ANKRD44: variants seen among roughly 807,000 people sequenced by gnomAD.
The protein encoded by ANKRD44 is serine/threonine-protein phosphatase 6 regulatory ankyrin repeat subunit B.
In ANKRD44, 35 loss-of-function variants were observed where a neutral mutation model predicts 116.0. The ratio of observed to expected loss-of-function variants is 0.30; its 90% CI spans 0.23 to 0.40. The LOEUF is 0.40. ANKRD44 is among the 10% of genes least tolerant of loss of function. ANKRD44 has a pLI of 1.00. For missense variants in ANKRD44, 1,014 were observed against 1,242.6 expected (o/e 0.82, Z 2.77); for synonymous variants, 435 against 461.8 (o/e 0.94, Z 0.74).
intron 9 of ANKRD44, among the ~76,000 whole-genome samples, chr2:197,100,163 G>T (rs535665211): frequency 1.3e-5 from 2 of 152,346 alleles, no homozygotes; most frequent in African/African-American, 4.8e-5. Flanking sequence ...GAGGCCGGGC[G>T]TGGTGGCTAA....
chr2:197,184,225 G>C (rs1029990570), intron 2 of ANKRD44, among the ~76,000 whole-genome samples: 1 of 152,162 alleles, frequency 6.6e-6, no homozygotes, highest in East Asian at 1.9e-4. Context: ...CCGTCTCTTT[G>C]GGGGCACACA....
At chr2:196,982,108 T>TTATATATATATATATATA (rs58816698), downstream of ANKRD44, among the ~76,000 whole-genome samples, 1,361 of 96,306 alleles carry the variant, frequency 0.014, 46 homozygotes, top group African/African-American at 0.037. Context: ...CTAAAAAAAA[T>TTATATATATATATATATA]TATATATATA....
chr2:197,172,162 G>C (rs934437677), intron 2 of ANKRD44, among the ~76,000 whole-genome samples: 1 of 151,568 alleles, frequency 6.6e-6, no homozygotes, highest in African/African-American at 2.4e-5. Context: ...CACCACACTC[G>C]ACTAACTTTT....
chr2:197,141,588 G>A (rs1357929681), intron 3 of ANKRD44, among the ~76,000 whole-genome samples: 1 of 152,160 alleles, frequency 6.6e-6, no homozygotes, highest in South Asian at 2.1e-4. Flanking sequence ...CATTGTTCGC[G>A]TGTAGCTTCA....
chr2:197,016,077 C>T, intron 17 of ANKRD44: 1 of 459,076 alleles, frequency 2.2e-6, no homozygotes, highest in Non-Finnish European at 4.3e-6. Flanking sequence ...AGGAGAGCTG[C>T]AGGTTACTTT....
chr2:197,270,642 C>G (rs1350991976), intron 1 of ANKRD44, among the ~76,000 whole-genome samples: 1 of 152,186 alleles, frequency 6.6e-6, no homozygotes, highest in Non-Finnish European at 1.5e-5. Context: ...TAATTGTAGG[C>G]AGTGTCTGAG....
intron 1 of ANKRD44, among the ~76,000 whole-genome samples, chr2:197,307,374 A>G (rs2084102160): frequency 6.6e-6 from 1 of 152,150 alleles, no homozygotes; most frequent in Admixed American, 6.5e-5. Context: ...ATGCTGGGAC[A>G]CCAGTCAATC....
chr2:197,078,554 T>C (rs2077723402), intron 16 of ANKRD44, 149 bp downstream of exon 16: 6 of 1,505,734 alleles, frequency 4.0e-6, no homozygotes, highest in Non-Finnish European at 4.5e-6. Context: ...AAAAACACTT[T>C]TTGAAATCAG....
chr2:197,214,401 T>A (rs1455172348), intron 1 of ANKRD44, among the ~76,000 whole-genome samples: 1 of 152,204 alleles, frequency 6.6e-6, no homozygotes, highest in African/African-American at 2.4e-5. Flanking sequence ...TAGCCTAGTG[T>A]CTGGCACCTG....
chr2:197,187,042 G>A lies in ANKRD44; in HGVS notation c.92C>T (p.Thr31Ile), dbSNP rs2080693611. The part of the protein sequence containing the change: ...PEEIRMLIHK[T>I]EDVNTLDSEK... ...TCTTACCAGAGTATTCACATCTTCA[G>A]TTTTATGGATGAGCATCCGGATCTC... The change falls in exon 2 of 28, where the codon ACT becomes ATT. Residue 31 changes from threonine (T) to isoleucine (I), a missense_variant. Transcript: ENST00000282272. 9 of 1,613,960 alleles carry A rather than the reference G, an allele frequency of 5.6e-6. No homozygotes were observed. The highest frequency in any genetic ancestry group is 7.6e-6 in the Non-Finnish European group (9 of 1,180,010).
intron 3 of ANKRD44, among the ~76,000 whole-genome samples, chr2:197,146,574 G>A (rs1215288328): frequency 3.3e-5 from 5 of 150,444 alleles, no homozygotes. Context: ...TAGAGAGAGA[G>A]TATATAGTGT....
chr2:197,277,203 C>G (rs995652570), intron 1 of ANKRD44, among the ~76,000 whole-genome samples: 1 of 151,812 alleles, frequency 6.6e-6, no homozygotes, highest in Non-Finnish European at 1.5e-5. Context: ...ATCTATTTTT[C>G]AAAGCTCCTC....
chr2:197,068,975 G>T (rs1471719959), intron 16 of ANKRD44, among the ~76,000 whole-genome samples: 2 of 152,154 alleles, frequency 1.3e-5, no homozygotes, highest in African/African-American at 4.8e-5. Context: ...TATAAATCAT[G>T]CTGCTATAAA....
In ANKRD44 at chr2:197,002,139, T is replaced by C. The variant is rs757255667; in HGVS notation, c.2348-299A>G. On this transcript the variant is annotated intron_variant, in intron 21 of 27. Transcript: ENST00000282272. ...TGTTTTATTCTCAGCTCTTGAAAGA[T>C]AGATGCCTCACACAGGCATGCTTCA... is the stretch of plus-strand genomic sequence containing the variant. Among the ~76,000 whole-genome samples the C allele has an allele frequency of 4.7e-4, 72 of 152,340 alleles. 1 individual carries two copies. The highest frequency in any genetic ancestry group is 7.4e-4 in the Non-Finnish European group (50 of 68,026).
At chr2:197,273,632 C>A (rs1382791884) in intron 1 of ANKRD44, among the ~76,000 whole-genome samples, 1 of 152,002 alleles carries the variant, frequency 6.6e-6, no homozygotes, top group African/African-American at 2.4e-5. Flanking sequence ...GGCCTAGGAG[C>A]CAGGCCAGCA....
Position 197,209,844 on chromosome 2 carries a change from C to T in ANKRD44, c.28-22738G>A, listed in dbSNP as rs78511996. 4.3e-4 allele frequency among the ~76,000 whole-genome samples: 66 copies of T among 152,232 alleles called. 1 individual carries two copies. The East Asian group carries it at 0.012, about 28-fold the overall frequency. On this transcript the variant is annotated intron_variant, in intron 1 of 27. Coordinates refer to ENST00000282272, the MANE Select transcript of ANKRD44 (RefSeq NM_001195144.2). ...CACAGCACAAGATTGTCTTGTGAGT[C>T]AGGGGAGCAAAGAATCAGATGAGGG... is the stretch of plus-strand genomic sequence containing the variant.
intron 9 of ANKRD44, among the ~76,000 whole-genome samples, chr2:197,100,169 G>A (rs1327912552): frequency 6.6e-6 from 1 of 152,220 alleles, no homozygotes; most frequent in Non-Finnish European, 1.5e-5. Flanking sequence ...GGGCGTGGTG[G>A]CTAACGCCTG....
At chr2:197,136,243 T>C (rs1345117822) in intron 4 of ANKRD44, 1 of 282,354 alleles carries the variant, frequency 3.5e-6, no homozygotes, top group Non-Finnish European at 6.9e-6. Flanking sequence ...CTGACATCTC[T>C]TCTTGGAAGA....
At chr2:197,003,375 C>A (rs762379103) in intron 21 of ANKRD44, among the ~76,000 whole-genome samples, 74 of 152,172 alleles carry the variant, frequency 4.9e-4, no homozygotes, top group Non-Finnish European at 9.1e-4. Context: ...CTACATGGAA[C>A]CGTCATTGAA....
Sources: allele counts gnomAD v4.1 joint callset (sites outside exome capture counted in the v4.1 genomes callset), GRCh38; gene constraint gnomAD v4.1.1; transcripts MANE v1.5; gene names NCBI Gene and HGNC (gene_info 2026-07-23, HGNC 2026-07-21).